The following LINGO2 variants were observed in gnomAD, a reference collection of about 807,000 sequenced individuals.
LINGO2 encodes leucine rich repeat and Ig domain containing 2.
A neutral mutation model predicts 30.6 loss-of-function variants in LINGO2; 14 were observed. That is an observed-to-expected ratio of 0.46 (90% CI 0.30 to 0.72). The LOEUF is 0.72. Ranked by LOEUF, LINGO2 falls within the 30% of genes least tolerant of loss-of-function variation. The pLI is 0.07. For synonymous variants in LINGO2, 317 were observed against 288.5 expected, an observed-to-expected ratio of 1.10 and a Z score of -1.00; for missense variants, 729 against 751.7, an observed-to-expected ratio of 0.97 and a Z score of 0.35.
chr9:29,090,291 C>T, the LINGO2 span, among the ~76,000 whole-genome samples: 1 of 151,968 alleles, frequency 6.6e-6, no homozygotes, highest in African/African-American at 2.4e-5. Flanking sequence ...ATTCTACCAC[C>T]CAACTCCATA....
chr9:28,545,766 C>T (rs1821905514), intron 1 of LINGO2, among the ~76,000 whole-genome samples: 1 of 151,906 alleles, frequency 6.6e-6, no homozygotes, highest in Non-Finnish European at 1.5e-5. Flanking sequence ...CTATTGTATT[C>T]TAGGTATACT....
the LINGO2 span, among the ~76,000 whole-genome samples, chr9:28,990,892 A>C: frequency 1.3e-5 from 2 of 152,218 alleles, no homozygotes; most frequent in African/African-American, 4.8e-5. Context: ...GACCAAAAGT[A>C]GATAAAACCA....
At chr9:28,788,277 T>C in the LINGO2 span, among the ~76,000 whole-genome samples, 2 of 152,324 alleles carry the variant, frequency 1.3e-5, no homozygotes, top group Non-Finnish European at 2.9e-5. Context: ...ATGACTACAC[T>C]ACAGTGAACT....
the LINGO2 span, among the ~76,000 whole-genome samples, chr9:29,056,096 C>T: frequency 6.6e-6 from 1 of 151,798 alleles, no homozygotes; most frequent in African/African-American, 2.4e-5. Flanking sequence ...GTATCTATTT[C>T]GTATAATGAC....
intron 4 of LINGO2, among the ~76,000 whole-genome samples, chr9:28,187,811 C>T (rs1397945741): frequency 7.2e-5 from 11 of 152,106 alleles, no homozygotes; most frequent in Admixed American, 2.0e-4. Context: ...CATATGATAA[C>T]GTGATCTCTA....
chr9:29,091,697 T>C, the LINGO2 span, among the ~76,000 whole-genome samples: 2 of 151,984 alleles, frequency 1.3e-5, no homozygotes, highest in African/African-American at 4.8e-5. Flanking sequence ...AAATTACTGT[T>C]CTCCCCAAAT....
chr9:29,008,941 T>C, the LINGO2 span, among the ~76,000 whole-genome samples: 1 of 152,158 alleles, frequency 6.6e-6, no homozygotes, highest in African/African-American at 2.4e-5. Flanking sequence ...ACCACATGAT[T>C]ATCTCAACAG....
chr9:28,738,538 T>C, the LINGO2 span, among the ~76,000 whole-genome samples: 1 of 151,984 alleles, frequency 6.6e-6, no homozygotes, highest in Non-Finnish European at 1.5e-5. Flanking sequence ...AAGACTGAAT[T>C]ACAAATGATC....
intron 4 of LINGO2, among the ~76,000 whole-genome samples, chr9:28,215,490 T>TA (rs550347390): frequency 9.2e-5 from 14 of 151,928 alleles, no homozygotes; most frequent in South Asian, 4.1e-4. Flanking sequence ...CTTTATATTT[T>TA]AAAAAAAGCA....
At chr9:28,788,488 A>G in the LINGO2 span, among the ~76,000 whole-genome samples, 1 of 152,204 alleles carries the variant, frequency 6.6e-6, no homozygotes, top group African/African-American at 2.4e-5. Context: ...AAGCTTTGGT[A>G]TTTGAGAGCG....
intron 4 of LINGO2, among the ~76,000 whole-genome samples, chr9:28,244,344 A>G (rs372863328): frequency 2.0e-5 from 3 of 152,312 alleles, no homozygotes; most frequent in East Asian, 1.9e-4. Flanking sequence ...AGGGAAATTG[A>G]TAGCACTAAA....
chr9:27,975,719 C>A (rs2118831215), intron 5 of LINGO2, among the ~76,000 whole-genome samples: 1 of 152,150 alleles, frequency 6.6e-6, no homozygotes, highest in African/African-American at 2.4e-5. Context: ...GTTCAAAACA[C>A]TGTTATGTCT....
the LINGO2 span, among the ~76,000 whole-genome samples, chr9:29,209,736 CT>C: frequency 1.3e-5 from 2 of 152,030 alleles, no homozygotes; most frequent in Non-Finnish European, 2.9e-5. Context: ...AAAGTAGCCC[CT>C]AAACCATAAA....
Position 28,503,860 on chromosome 9 carries a change from GA to G in LINGO2, c.-364-27836del, listed in dbSNP as rs541614503. ...AAATCAGAGAAAAAAGATACGGGGG[GA>G]AAAAAAACAATAAAAATAAAAAACC... On this transcript the variant is annotated intron_variant, in intron 1 of 5. Transcript: ENST00000379992. 3.8e-3 allele frequency among the ~76,000 whole-genome samples: 568 copies of G among 150,214 alleles called. 4 individuals are homozygous for G. The highest frequency in any genetic ancestry group is 0.012 in the African/African-American group (490 of 41,012).
At chr9:28,693,659 A>C in the LINGO2 span, among the ~76,000 whole-genome samples, 1 of 152,118 alleles carries the variant, frequency 6.6e-6, no homozygotes, top group African/African-American at 2.4e-5. Context: ...CTTGGAGTTA[A>C]ATAAGTTCTC....
intron 1 of LINGO2, among the ~76,000 whole-genome samples, chr9:28,598,430 A>G (rs12352798): frequency 7.5e-6 from 1 of 132,630 alleles, no homozygotes; most frequent in Non-Finnish European, 1.6e-5. Context: ...AAAAAAAAAA[A>G]AAAACAAAAC....
At chr9:28,672,079 A>T (rs1351929308), upstream of LINGO2, among the ~76,000 whole-genome samples, 1 of 152,144 alleles carries the variant, frequency 6.6e-6, no homozygotes, top group African/African-American at 2.4e-5. Context: ...TAGAGTGAAT[A>T]ACATGTCCTA....
chr9:28,360,193 C>T (rs1389921832), intron 3 of LINGO2, among the ~76,000 whole-genome samples: 1 of 152,060 alleles, frequency 6.6e-6, no homozygotes, highest in Non-Finnish European at 1.5e-5. Flanking sequence ...TTAAGTAAGG[C>T]AGTGTTTTTG....
At chr9:29,149,029 G>A in the LINGO2 span, among the ~76,000 whole-genome samples, 6 of 151,868 alleles carry the variant, frequency 4.0e-5, no homozygotes, top group African/African-American at 1.2e-4. Context: ...TGTTATTATC[G>A]GTTGTCACAG....
Sources: gnomAD v4.1 joint callset for allele counts (sites outside exome capture counted in the v4.1 genomes callset) on GRCh38, gnomAD v4.1.1 for gene constraint, MANE v1.5 for transcripts, NCBI Gene and HGNC (gene_info 2026-07-23, HGNC 2026-07-21) for gene names.